Variants in LSMEM1 observed in about 807,000 individuals in gnomAD.
LSMEM1 encodes the protein leucine rich single-pass membrane protein 1, also known as leucine-rich single-pass membrane protein 1.
A neutral mutation model predicts 11.3 loss-of-function variants in LSMEM1; 10 were observed. That is an observed-to-expected ratio of 0.89 (90% CI 0.55 to 1.50). LSMEM1 has a LOEUF of 1.50. LSMEM1 is among the 40% of genes most tolerant of loss of function. The pLI is 0.00. For synonymous variants in LSMEM1, 65 were observed against 59.3 expected (o/e 1.10, Z -0.44); for missense variants, 151 against 152.9 (o/e 0.99, Z 0.06).
chr7:112,484,908 T>C lies in LSMEM1; in HGVS notation c.92T>C (p.Leu31Pro). Residue 31 changes from leucine (L) to proline (P), a missense_variant, in exon 2 of 4, where the codon CTA (leucine) becomes CCA (proline). Physicochemically the swap from Leu to Pro is moderately conservative, Grantham distance 98. Transcript: ENST00000312849. ...GATTCCATAAATGACTTAAACAAACTAAACCTCTGTCCAGCCGGATCGCAG... is the reference window on the plus strand; with the variant it reads ...GATTCCATAAATGACTTAAACAAACCAAACCTCTGTCCAGCCGGATCGCAG... ...VVDSINDLNK[L>P]NLCPAGSQHL... 1 of 1,613,230 alleles carries C rather than the reference T, an allele frequency of 6.2e-7. No individual in the cohort carries two copies. The highest frequency in any genetic ancestry group is 1.1e-5 in the South Asian group (1 of 91,060).
chr7:112,480,333 G>A (rs780004129), upstream of LSMEM1, among the ~76,000 whole-genome samples: 1 of 152,192 alleles, frequency 6.6e-6, no homozygotes, highest in Non-Finnish European at 1.5e-5. Context: ...TCATGCCACT[G>A]CGCTCCAGCC....
chr7:112,484,556 A>G (rs548516179), intron 1 of LSMEM1, among the ~76,000 whole-genome samples: 1 of 152,352 alleles, frequency 6.6e-6, no homozygotes, highest in South Asian at 2.1e-4. Context: ...GTATACATGG[A>G]TGTACAATTC....
At chr7:112,483,511 G>A (rs1047992073) in intron 1 of LSMEM1, 1 of 152,074 alleles carries the variant, frequency 6.6e-6, no homozygotes, top group African/African-American at 2.4e-5. Flanking sequence ...CAGTCTATCG[G>A]GAAATCAAAG....
At chr7:112,484,356 A>G (rs758709312) in intron 1 of LSMEM1, among the ~76,000 whole-genome samples, 1 of 152,238 alleles carries the variant, frequency 6.6e-6, no homozygotes, top group African/African-American at 2.4e-5. Context: ...TTTTGTGGCC[A>G]CTGCTGACTA....
chr7:112,489,313 A>G (rs968299261), intron 3 of LSMEM1, among the ~76,000 whole-genome samples: 3 of 152,224 alleles, frequency 2.0e-5, no homozygotes, highest in Non-Finnish European at 4.4e-5. Context: ...TATTTGGAAA[A>G]TATTGTTCTT....
In LSMEM1 at chr7:112,489,946, C is replaced by T; in HGVS notation, c.393C>T (p.Asn131=). 3.1e-6 allele frequency: 5 copies of T among 1,611,680 alleles called. No individual in the cohort carries two copies. Among genetic ancestry groups the T allele is most frequent in the Non-Finnish European group, 4.2e-6 (5 of 1,179,252 alleles). Residue 131 remains asparagine, a synonymous_variant, in exon 4 of 4, where the codon AAC becomes AAT. Coordinates refer to ENST00000312849, the MANE Select transcript of LSMEM1 (RefSeq NM_182597.3). The part of the protein sequence containing the change: ...NQLNQLDSEQ[N] ...TCAACCAACTGGACTCTGAACAAAA[C>T]TAAAGGAATGATTTTCTGAAAGCAC...
chr7:112,485,290 C>A (rs1796107827), intron 2 of LSMEM1, among the ~76,000 whole-genome samples: 2 of 152,050 alleles, frequency 1.3e-5, no homozygotes, highest in South Asian at 4.1e-4. Flanking sequence ...CGATGGGGAC[C>A]ACTTCCCACA....
At chr7:112,483,640 G>C (rs1796074764) in intron 1 of LSMEM1, 1 of 152,228 alleles carries the variant, frequency 6.6e-6, no homozygotes, top group Non-Finnish European at 1.5e-5. Flanking sequence ...AGTGATGTTT[G>C]AGCTGAGTCT....
intron 3 of LSMEM1, among the ~76,000 whole-genome samples, chr7:112,487,433 G>A (rs1025406002): frequency 2.6e-5 from 4 of 152,190 alleles, no homozygotes; most frequent in Non-Finnish European, 4.4e-5. Context: ...TTGAGGTTTC[G>A]AACTGAACTC....
chr7:112,490,038 T>G lies in LSMEM1; in HGVS notation c.*89T>G. 1 of 1,416,026 alleles carries G rather than the reference T, an allele frequency of 7.1e-7. No homozygotes were observed. The highest frequency in any genetic ancestry group is 9.5e-7 in the Non-Finnish European group (1 of 1,053,892). The allele number at this position is 1,416,026 out of a possible 1,614,324, so 87.7% of individuals were successfully genotyped here. On this transcript the variant is annotated 3_prime_UTR_variant, in exon 4 of 4. Coordinates refer to ENST00000312849, the MANE Select transcript of LSMEM1 (RefSeq NM_182597.3). ...GGGTTAGGAACTGAGAAAGTGCACT[T>G]CCTCAGGCAACAGATGATCTGGTCA...
intron 2 of LSMEM1, chr7:112,486,069 C>T (rs1276421000): frequency 6.4e-6 from 1 of 156,420 alleles, no homozygotes; most frequent in Admixed American, 6.2e-5. Context: ...GCTTCCAGAG[C>T]ATATCCATCC....
chr7:112,484,724 C>T, intron 1 of LSMEM1, 88 bp from the exon 2 acceptor site: 3 of 1,405,592 alleles, frequency 2.1e-6, no homozygotes, highest in Non-Finnish European at 2.9e-6. Flanking sequence ...TCTTCATAGG[C>T]CTGTCTGGCT....
At chr7:112,482,049 G>C (rs1400042794) in intron 1 of LSMEM1, among the ~76,000 whole-genome samples, 1 of 152,200 alleles carries the variant, frequency 6.6e-6, no homozygotes, top group Non-Finnish European at 1.5e-5. Context: ...ATGTGATCTT[G>C]TATCCCTTTA....
Position 112,489,868 on chromosome 7 carries a change from C to T in LSMEM1, c.315C>T (p.Asp105=), listed in dbSNP as rs1796204556. ...VSRRLTAEGK[D]IDDLKRINNM... ...GAAGACTAACAGCTGAAGGAAAAGA[C>T]ATAGATGATCTTAAGAGAATCAATA... The change falls in exon 4 of 4, where the codon GAC becomes GAT. Residue 105 remains aspartate, a synonymous_variant. Transcript: ENST00000312849. 1.2e-6 allele frequency: 2 copies of T among 1,613,722 alleles called. No homozygotes were observed. Among genetic ancestry groups the T allele is most frequent in the Admixed American group, 3.3e-5 (2 of 59,984 alleles).
intron 1 of LSMEM1, among the ~76,000 whole-genome samples, chr7:112,482,565 A>G (rs1333526338): frequency 6.6e-6 from 1 of 152,232 alleles, no homozygotes; most frequent in African/African-American, 2.4e-5. Context: ...TGTGACACAT[A>G]AAACTTTTTT....
chr7:112,489,785 A>G (rs983252316), intron 3 of LSMEM1, 25 bp from the exon 4 acceptor site: 1 of 1,603,958 alleles, frequency 6.2e-7, no homozygotes, highest in African/African-American at 1.3e-5. Context: ...AACCAATGTA[A>G]CACAGTCTGT....
Position 112,490,096 on chromosome 7 carries a change from C to A in LSMEM1, c.*147C>A. 1.2e-6 allele frequency: 1 copy of A among 846,520 alleles called. No homozygotes were observed. Among genetic ancestry groups the A allele is most frequent in the Admixed American group, 2.7e-5 (1 of 37,430 alleles). 52.4% of individuals were successfully genotyped at this position (846,520 alleles called of 1,614,324 possible). ...CACCCCTGGGGCCCACTTTCTGCAG[C>A]AAGATGGGAGCAATTCCAAGGCAAG... On this transcript the variant is annotated 3_prime_UTR_variant, in exon 4 of 4. Coordinates refer to ENST00000312849, the MANE Select transcript of LSMEM1 (RefSeq NM_182597.3).
chr7:112,488,366 C>G (rs1213869170), intron 3 of LSMEM1, among the ~76,000 whole-genome samples: 1 of 152,164 alleles, frequency 6.6e-6, no homozygotes, highest in Non-Finnish European at 1.5e-5. Flanking sequence ...CCACACCCGC[C>G]TGGGGGTAAT....
chr7:112,486,619 A>G (rs1207310154), intron 2 of LSMEM1, among the ~76,000 whole-genome samples: 1 of 152,134 alleles, frequency 6.6e-6, no homozygotes, highest in African/African-American at 2.4e-5. Context: ...TACTAAAAAT[A>G]CAAAAACTTA....
Sources: gnomAD v4.1 joint callset for allele counts (sites outside exome capture counted in the v4.1 genomes callset) on GRCh38, gnomAD v4.1.1 for gene constraint, MANE v1.5 for transcripts, NCBI Gene and HGNC (gene_info 2026-07-23, HGNC 2026-07-21) for gene names.